IL15: variants seen among roughly 807,000 people sequenced by gnomAD.
IL15 encodes the protein interleukin 15, also known as interleukin-15.
IL15 carries 11 observed loss-of-function variants against 19.6 expected under a neutral mutation model. The observed-to-expected ratio is 0.56, with a 90% CI of 0.35 to 0.93. IL15 has a LOEUF of 0.93. IL15 is among the 40% of genes least tolerant of loss of function. The pLI is 0.01. For synonymous variants in IL15, 58 were observed against 59.6 expected, an observed-to-expected ratio of 0.97 and a Z score of 0.12; for missense variants, 197 against 186.5, an observed-to-expected ratio of 1.06 and a Z score of -0.33.
chr4:141,693,016 C>CAA (rs70949131), intron 2 of IL15, among the ~76,000 whole-genome samples: 397 of 23,218 alleles, frequency 0.017, 79 homozygotes, highest in African/African-American at 0.058. Flanking sequence ...GACTCCGTCT[C>CAA]AAAAAAAAAA....
At chr4:141,713,611 G>C (rs961244995) in intron 2 of IL15, among the ~76,000 whole-genome samples, 1 of 152,140 alleles carries the variant, frequency 6.6e-6, no homozygotes, top group Non-Finnish European at 1.5e-5. Flanking sequence ...CATACTGTTA[G>C]GAAAATGGCT....
At chr4:141,678,260 T>C (rs1055349400) in intron 2 of IL15, among the ~76,000 whole-genome samples, 3 of 152,230 alleles carry the variant, frequency 2.0e-5, no homozygotes, top group African/African-American at 7.2e-5. Context: ...CCTATTTTAT[T>C]ACAAGCTTTG....
At chr4:141,683,936 T>C (rs1262171876) in intron 2 of IL15, among the ~76,000 whole-genome samples, 1 of 152,212 alleles carries the variant, frequency 6.6e-6, no homozygotes, top group Admixed American at 6.5e-5. Flanking sequence ...GATTAATAAC[T>C]AGCTTTAGTA....
intron 1 of IL15, among the ~76,000 whole-genome samples, chr4:141,649,021 A>G: frequency 6.6e-6 from 1 of 152,138 alleles, no homozygotes; most frequent in East Asian, 1.9e-4. Flanking sequence ...TATTGTTTGC[A>G]TGTAAACAGC....
chr4:141,668,130 A>G (rs1158608193), intron 2 of IL15, among the ~76,000 whole-genome samples: 4 of 151,644 alleles, frequency 2.6e-5, no homozygotes, highest in Non-Finnish European at 5.9e-5. Flanking sequence ...TAATTTTATT[A>G]AAACATATGA....
rs146419227 is a variant in IL15, at chr4:141,643,803, C to T, written c.-222+7055C>T. Reference sequence around the variant, plus strand: ...CTTACATTGATGATTCACAAATGTACGGGTGAATCTAGCCATGACCTCTCC... The same window carrying T: ...CTTACATTGATGATTCACAAATGTATGGGTGAATCTAGCCATGACCTCTCC... On this transcript the variant is annotated intron_variant, in intron 1 of 7. Coordinates refer to ENST00000320650, the MANE Select transcript of IL15 (RefSeq NM_000585.5). Among the ~76,000 whole-genome samples, 156 of 151,916 alleles carry T rather than the reference C, an allele frequency of 1.0e-3. 1 individual carries two copies. The highest frequency in any genetic ancestry group is 3.3e-3 in the African/African-American group (135 of 41,442).
chr4:141,680,872 C>T (rs976162535), intron 2 of IL15, among the ~76,000 whole-genome samples: 1 of 152,162 alleles, frequency 6.6e-6, no homozygotes, highest in African/African-American at 2.4e-5. Context: ...TAGAGCTCCT[C>T]AGAAGTACTT....
intron 2 of IL15, among the ~76,000 whole-genome samples, chr4:141,666,539 G>A (rs1020402693): frequency 6.6e-6 from 1 of 151,938 alleles, no homozygotes; most frequent in Non-Finnish European, 1.5e-5. Flanking sequence ...GTGTTCTTTT[G>A]TAAAGATTTA....
chr4:141,718,221 G>C (rs1409245163), intron 2 of IL15: 1 of 152,008 alleles, frequency 6.6e-6, no homozygotes, highest in Non-Finnish European at 1.5e-5. Flanking sequence ...AGCTTCGTAA[G>C]GCCTAATTAA....
chr4:141,721,917 C>T lies in IL15; in HGVS notation c.111-7C>T. The T allele has an allele frequency of 6.3e-7, 1 of 1,577,722 alleles. No homozygotes were observed. Among genetic ancestry groups the T allele is most frequent in the South Asian group, 1.2e-5 (1 of 86,614 alleles). ...CAAAATGCTTTGCTCTATGGTTTTT[C>T]TTTCAGCTGTTTCAGTGCAGGGCTT... On this transcript the variant is annotated splice_polypyrimidine_tract_variant and splice_region_variant and intron_variant, in intron 4 of 7. Coordinates refer to ENST00000320650, the MANE Select transcript of IL15 (RefSeq NM_000585.5).
intron 2 of IL15, among the ~76,000 whole-genome samples, chr4:141,699,789 G>GT (rs1729223700): frequency 1.3e-5 from 2 of 152,062 alleles, no homozygotes; most frequent in Non-Finnish European, 2.9e-5. Flanking sequence ...CTGCTATTCT[G>GT]TATGTTTTAA....
chr4:141,722,085 C>A, intron 5 of IL15, 77 bp downstream of exon 5: 1 of 1,407,732 alleles, frequency 7.1e-7, no homozygotes, highest in Non-Finnish European at 9.4e-7. Flanking sequence ...TTCTGTCTGT[C>A]TTAAGGAAAC....
At chr4:141,727,814 A>G (rs1193130636) in intron 5 of IL15, 126 bp from the exon 6 acceptor site, 2 of 622,724 alleles carry the variant, frequency 3.2e-6, no homozygotes, top group East Asian at 3.0e-5. Flanking sequence ...ACAGTTTCAT[A>G]TGAATTTTAA....
At chr4:141,689,349 C>T (rs548757561) in intron 2 of IL15, among the ~76,000 whole-genome samples, 37 of 152,246 alleles carry the variant, frequency 2.4e-4, no homozygotes, top group South Asian at 1.0e-3. Context: ...TTTGACAGGG[C>T]GCTGATTGGT....
At chr4:141,661,723 G>A (rs566429794) in intron 2 of IL15, among the ~76,000 whole-genome samples, 1 of 152,200 alleles carries the variant, frequency 6.6e-6, no homozygotes, top group South Asian at 2.1e-4. Context: ...TTTGTGTACC[G>A]CTGTGCACTT....
At chr4:141,669,371 T>C (rs1458095874) in intron 2 of IL15, among the ~76,000 whole-genome samples, 6 of 152,122 alleles carry the variant, frequency 3.9e-5, no homozygotes, top group Non-Finnish European at 5.9e-5. Flanking sequence ...CTTAAATTAG[T>C]TCATTAGGAG....
Position 141,727,944 on chromosome 4 carries a change from T to C in IL15, c.200T>C (p.Met67Thr), listed in dbSNP as rs1474701681. 7 of 1,281,938 alleles carry C rather than the reference T, an allele frequency of 5.5e-6. No individual in the cohort carries two copies. The highest frequency in any genetic ancestry group is 2.0e-4 in the Middle Eastern group (1 of 5,010). 79.4% of individuals were successfully genotyped at this position (1,281,938 alleles called of 1,614,324 possible). Reference sequence around the variant, plus strand: ...TCTAATTTTGTTTCCTTTCAGTCTATGCATATTGATGCTACTTTATATACG... The same window carrying C: ...TCTAATTTTGTTTCCTTTCAGTCTACGCATATTGATGCTACTTTATATACG... ...LKKIEDLIQS[M>T]HIDATLYTES... The change falls in exon 6 of 8, where the codon ATG becomes ACG. Residue 67 changes from methionine (M) to threonine (T), a missense_variant. Coordinates refer to ENST00000320650, the MANE Select transcript of IL15 (RefSeq NM_000585.5).
intron 1 of IL15, among the ~76,000 whole-genome samples, chr4:141,647,340 G>A (rs1182067858): frequency 1.3e-5 from 2 of 152,050 alleles, no homozygotes; most frequent in African/African-American, 2.4e-5. Context: ...GAAATATCAC[G>A]ATTGAGTTAA....
intron 5 of IL15, among the ~76,000 whole-genome samples, chr4:141,725,510 A>G (rs1730227398): frequency 1.3e-5 from 2 of 152,134 alleles, no homozygotes; most frequent in Non-Finnish European, 2.9e-5. Flanking sequence ...CTGATTTCAG[A>G]CCTCTAGCCT....
Sources: allele counts gnomAD v4.1 joint callset (sites outside exome capture counted in the v4.1 genomes callset), GRCh38; gene constraint gnomAD v4.1.1; transcripts MANE v1.5; gene names NCBI Gene and HGNC (gene_info 2026-07-23, HGNC 2026-07-21).